Variants in ANKRD27 observed in about 807,000 individuals in gnomAD.
ANKRD27 encodes ankyrin repeat domain 27.
In ANKRD27, 112 loss-of-function variants were observed where a neutral mutation model predicts 129.7. The observed-to-expected ratio is 0.86, with a 90% CI of 0.74 to 1.01. The LOEUF is 1.01. Ranked by LOEUF, ANKRD27 falls within the 50% of genes least tolerant of loss-of-function variation. The pLI, the probability that ANKRD27 is intolerant of heterozygous loss-of-function variation, is 0.00. For missense variants in ANKRD27, 1,258 were observed against 1,300.5 expected (o/e 0.97, Z 0.50); for synonymous variants, 516 against 511.2 (o/e 1.01, Z -0.13).
At position 32,646,575 on chromosome 19, in the gene ANKRD27, C is replaced by G; in HGVS notation, c.254G>C (p.Gly85Ala). The change falls in exon 4 of 29, where the codon GGT becomes GCT. Residue 85 changes from glycine (G) to alanine (A), a missense_variant. By Grantham distance (60) the Gly-to-Ala change is moderately conservative. Coordinates refer to ENST00000306065, the MANE Select transcript of ANKRD27 (RefSeq NM_032139.3). ...IQGNRIKLGAGFACLLSVPIL... is the reference protein window; with the variant it reads ...IQGNRIKLGAAFACLLSVPIL... The stretch of plus-strand genomic sequence containing the variant: ...GGGCACTGAGAGAAGACAGGCAAAA[C>G]CAGCTCCTAATTTAATCCTGTTCCC... The G allele has an allele frequency of 1.9e-6, 3 of 1,613,942 alleles. No homozygotes were observed. Among genetic ancestry groups the G allele is most frequent in the East Asian group, 2.2e-5 (1 of 44,884 alleles).
chr19:32,610,525 C>T (rs1358359472), intron 22 of ANKRD27, among the ~76,000 whole-genome samples: 3 of 150,786 alleles, frequency 2.0e-5, no homozygotes, highest in South Asian at 4.2e-4. Flanking sequence ...AGCGCAGTGG[C>T]TCATGCCTAT....
intron 10 of ANKRD27, 115 bp from the exon 11 acceptor site, chr19:32,640,500 C>T (rs114806964): frequency 1.2e-6 from 1 of 824,836 alleles, no homozygotes; most frequent in African/African-American, 1.7e-5. Context: ...AGATCATACA[C>T]TGGGGGAGAA....
intron 2 of ANKRD27, among the ~76,000 whole-genome samples, chr19:32,657,628 A>G (rs1432501424): frequency 6.6e-6 from 1 of 151,786 alleles, no homozygotes; most frequent in Non-Finnish European, 1.5e-5. Flanking sequence ...GTCTCAAAAA[A>G]AAAAAAAAGA....
At chr19:32,667,920 A>G (rs1967792265) in intron 1 of ANKRD27, among the ~76,000 whole-genome samples, 2 of 152,162 alleles carry the variant, frequency 1.3e-5, no homozygotes, top group African/African-American at 4.8e-5. Context: ...AACTATTTAA[A>G]AAGCGTAAAA....
chr19:32,661,232 CACACACACACACACACACAT>C (rs942905534), intron 1 of ANKRD27, among the ~76,000 whole-genome samples: 21 of 150,696 alleles, frequency 1.4e-4, no homozygotes, highest in Non-Finnish European at 2.4e-4. Flanking sequence ...CACACACACA[CACACACACACACACACACAT>C]ATACTCACAC....
chr19:32,651,462 C>T (rs1967414869), intron 2 of ANKRD27, among the ~76,000 whole-genome samples: 1 of 152,084 alleles, frequency 6.6e-6, no homozygotes, highest in Non-Finnish European at 1.5e-5. Context: ...TTCCGCCTCC[C>T]GGATTCACAC....
intron 15 of ANKRD27, among the ~76,000 whole-genome samples, chr19:32,627,822 C>G (rs552338984): frequency 5.9e-5 from 9 of 152,386 alleles, no homozygotes; most frequent in Admixed American, 1.3e-4. Context: ...GGGCCCCCAG[C>G]CTGCGGGAGC....
chr19:32,642,213 A>G, intron 9 of ANKRD27, 68 bp from the exon 10 acceptor site: 2 of 1,373,242 alleles, frequency 1.5e-6, no homozygotes. Context: ...TGGATCTAAG[A>G]ACACATCTCA....
chr19:32,648,519 G>A (rs1301129129), intron 3 of ANKRD27, among the ~76,000 whole-genome samples: 1 of 152,238 alleles, frequency 6.6e-6, no homozygotes, highest in East Asian at 1.9e-4. Flanking sequence ...AAAAGATTCA[G>A]GCCAGGCGCG....
intron 17 of ANKRD27, 85 bp from the exon 18 acceptor site, chr19:32,622,704 C>T: frequency 3.9e-6 from 5 of 1,267,332 alleles, no homozygotes; most frequent in Non-Finnish European, 5.7e-6. Flanking sequence ...CCTCACCAAG[C>T]AAATGTGCAG....
intron 9 of ANKRD27, 65 bp from the exon 10 acceptor site, chr19:32,642,210 A>AAC: frequency 7.2e-7 from 1 of 1,385,602 alleles, no homozygotes; most frequent in East Asian, 2.6e-5. Context: ...GCCTGGATCT[A>AAC]AGAACACATC....
intron 1 of ANKRD27, chr19:32,672,944 A>C (rs527892910): frequency 6.6e-6 from 1 of 151,906 alleles, no homozygotes; most frequent in South Asian, 2.1e-4. Context: ...ACATTCCTCC[A>C]CTCCTCTATG....
At chr19:32,671,817 C>T (rs1599781888) in intron 1 of ANKRD27, among the ~76,000 whole-genome samples, 2 of 152,314 alleles carry the variant, frequency 1.3e-5, no homozygotes, top group East Asian at 1.9e-4. Context: ...TAAAAAATTC[C>T]ATCCCTGCCT....
rs1410596309 is a variant in ANKRD27 at position 32,664,935 on chromosome 19, A to C, written c.-30-5890T>G. Among the ~76,000 whole-genome samples the C allele has an allele frequency of 7.2e-5, 10 of 139,138 alleles. No individual in the cohort carries two copies. In the East Asian group the frequency reaches 1.2e-3, roughly 17 times the overall value. 91.3% of individuals were successfully genotyped at this position (139,138 alleles called of 152,430 possible). On this transcript the variant is annotated intron_variant, in intron 1 of 28. Transcript: ENST00000306065. Reference sequence around the variant, plus strand: ...ACTCTGTCTCAAAAAAAAAAAAAAAAAAAACTGTTATTAATGATATATTTT... The same window carrying C: ...ACTCTGTCTCAAAAAAAAAAAAAAACAAAACTGTTATTAATGATATATTTT...
intron 17 of ANKRD27, among the ~76,000 whole-genome samples, chr19:32,623,673 T>C (rs149483554): frequency 1.3e-5 from 2 of 151,786 alleles, no homozygotes; most frequent in East Asian, 3.9e-4. Context: ...CTCAACCTCC[T>C]GAGTAGCTGG....
intron 2 of ANKRD27, among the ~76,000 whole-genome samples, chr19:32,654,621 C>T (rs1435453896): frequency 6.6e-6 from 1 of 152,056 alleles, no homozygotes; most frequent in Non-Finnish European, 1.5e-5. Flanking sequence ...AGCTCCTGCA[C>T]TCTGCTGATT....
intron 2 of ANKRD27, among the ~76,000 whole-genome samples, chr19:32,656,799 A>AG (rs1168745040): frequency 6.6e-6 from 1 of 151,864 alleles, no homozygotes; most frequent in African/African-American, 2.4e-5. Context: ...CAAAAAAAAA[A>AG]AAAAAGAGTG....
rs1280640517 is a variant in ANKRD27 at position 32,646,583 on chromosome 19, T to G, written c.246A>C (p.Leu82Phe). 5 of 1,613,782 alleles carry G rather than the reference T, an allele frequency of 3.1e-6. No homozygotes were observed. The African/African-American group carries it at 6.7e-5, about 22-fold the overall frequency. ...DVFIQGNRIK[L>F]GAGFACLLSV... ...AGAGAAGACAGGCAAAACCAGCTCC[T>G]AATTTAATCCTGTTCCCTTGAATAA... Residue 82 changes from leucine to phenylalanine, a missense_variant, in exon 4 of 29, where the codon TTA becomes TTC. Leu to Phe is a conservative substitution (Grantham distance 22). Transcript: ENST00000306065.
chr19:32,630,356 C>CCTGTGGCCAGTGT (rs1298177125), intron 13 of ANKRD27, among the ~76,000 whole-genome samples: 1 of 152,194 alleles, frequency 6.6e-6, no homozygotes, highest in Non-Finnish European at 1.5e-5. Flanking sequence ...CAGCGGCCTG[C>CCTGTGGCCAGTGT]CTGTGGCCAG....
Sources: allele counts gnomAD v4.1 joint callset (sites outside exome capture counted in the v4.1 genomes callset), GRCh38; gene constraint gnomAD v4.1.1; transcripts MANE v1.5; gene names NCBI Gene and HGNC (gene_info 2026-07-23, HGNC 2026-07-21).